The following MYO3B variants were observed in gnomAD, a reference collection of about 807,000 sequenced individuals.
MYO3B encodes myosin IIIB.
A neutral mutation model predicts 174.6 loss-of-function variants in MYO3B; 156 were observed. That is an observed-to-expected ratio of 0.89 (90% confidence interval 0.78 to 1.02). MYO3B has a LOEUF of 1.02. Ranked by LOEUF, MYO3B falls within the 50% of genes least tolerant of loss-of-function variation. The pLI is 0.00. For missense variants in MYO3B, 1,632 were observed against 1,639.4 expected, an observed-to-expected ratio of 1.00 and a Z score of 0.08; for synonymous variants, 563 against 569.1, an observed-to-expected ratio of 0.99 and a Z score of 0.15.
chr2:170,470,127 A>AAAG (rs1684895751), intron 25 of MYO3B, among the ~76,000 whole-genome samples: 2 of 141,884 alleles, frequency 1.4e-5, no homozygotes, highest in Non-Finnish European at 3.1e-5. Flanking sequence ...AAAAAAAAAA[A>AAAG]AAAGAAGGAA....
At chr2:170,229,231 A>G (rs1026784081) in intron 6 of MYO3B, among the ~76,000 whole-genome samples, 5 of 152,252 alleles carry the variant, frequency 3.3e-5, no homozygotes, top group African/African-American at 9.6e-5. Flanking sequence ...CAAATTAAGA[A>G]TCCTATTTGC....
intron 25 of MYO3B, among the ~76,000 whole-genome samples, chr2:170,470,594 G>C (rs188289581): frequency 1.6e-4 from 24 of 152,274 alleles, no homozygotes; most frequent in Admixed American, 5.9e-4. Flanking sequence ...GTGGACATAT[G>C]TTTTCACTTC....
chr2:170,495,332 T>C (rs1339922927), intron 25 of MYO3B, among the ~76,000 whole-genome samples: 2 of 152,172 alleles, frequency 1.3e-5, no homozygotes, highest in African/African-American at 4.8e-5. Context: ...AATTATTCCG[T>C]GAAGGAAACA....
chr2:170,353,992 A>G lies in MYO3B; in HGVS notation c.816-15230A>G, dbSNP rs367668041. On this transcript the variant is annotated intron_variant, in intron 8 of 34. Coordinates refer to ENST00000408978, the MANE Select transcript of MYO3B (RefSeq NM_138995.5). ...ATTCAATCATTCATCGCATTATCTG[A>G]TATAACTAGCAGGAAGGGTAATATG... Among the ~76,000 whole-genome samples the G allele has an allele frequency of 7.2e-4, 110 of 152,342 alleles. 2 individuals are homozygous for G. The South Asian group carries it at 0.02, about 28-fold the overall frequency.
At chr2:170,211,670 T>C (rs1053227344) in intron 3 of MYO3B, among the ~76,000 whole-genome samples, 1 of 152,098 alleles carries the variant, frequency 6.6e-6, no homozygotes, top group Non-Finnish European at 1.5e-5. Flanking sequence ...AACTGGAAAG[T>C]ACTCATTTCC....
intron 32 of MYO3B, among the ~76,000 whole-genome samples, chr2:170,587,272 C>G (rs1352259502): frequency 6.6e-6 from 1 of 152,134 alleles, no homozygotes; most frequent in Non-Finnish European, 1.5e-5. Context: ...CATGTTATGC[C>G]AGCAGCAGCC....
intron 28 of MYO3B, among the ~76,000 whole-genome samples, chr2:170,513,167 C>T (rs968295742): frequency 1.1e-4 from 17 of 152,140 alleles, no homozygotes; most frequent in Admixed American, 2.6e-4. Flanking sequence ...AATTTCAGTA[C>T]TTAACATCTG....
chr2:170,515,085 A>C lies in MYO3B; in HGVS notation c.3472+63A>C, dbSNP rs1688225348. 5 of 1,432,984 alleles carry C rather than the reference A, an allele frequency of 3.5e-6. No individual in the cohort carries two copies. The East Asian group carries it at 1.2e-4, about 33-fold the overall frequency. The allele number at this position is 1,432,984 out of a possible 1,614,324, so 88.8% of individuals were successfully genotyped here. A position where few individuals can be genotyped will look rare whatever the true frequency, so the allele number is the denominator to read the frequency against. ...TCAGGGGCATTCCGGAGAAGGTTCC[A>C]AAGCTGGAAGTGATCACCTCTTATA... On this transcript the variant is annotated intron_variant, in intron 29 of 34. Transcript: ENST00000408978.
intron 32 of MYO3B, among the ~76,000 whole-genome samples, chr2:170,645,243 G>C (rs1333904884): frequency 1.3e-5 from 2 of 152,154 alleles, no homozygotes; most frequent in Non-Finnish European, 2.9e-5. Context: ...AGCCAAGGCA[G>C]GTGGATTGCT....
chr2:170,503,730 TG>T (rs1687435460), intron 28 of MYO3B, among the ~76,000 whole-genome samples: 1 of 152,032 alleles, frequency 6.6e-6, no homozygotes, highest in Non-Finnish European at 1.5e-5. Context: ...CAAGTGATGT[TG>T]GGAACTTCCA....
At chr2:170,544,217 A>T (rs1480594036) in intron 32 of MYO3B, among the ~76,000 whole-genome samples, 2 of 152,212 alleles carry the variant, frequency 1.3e-5, no homozygotes, top group Non-Finnish European at 2.9e-5. Flanking sequence ...TTTTCCATTT[A>T]CTTAACCTTA....
chr2:170,382,277 C>A, intron 10 of MYO3B, 165 bp downstream of exon 10: 1 of 538,368 alleles, frequency 1.9e-6, no homozygotes, highest in Non-Finnish European at 3.4e-6. Context: ...TGACTATGAT[C>A]CTGTGCTGTG....
chr2:170,178,411 C>A, intron 1 of MYO3B, 122 bp downstream of exon 1: 2 of 1,234,226 alleles, frequency 1.6e-6, no homozygotes, highest in Non-Finnish European at 1.2e-6. Flanking sequence ...GCCACTCTGG[C>A]TTTGGGCCTC....
At chr2:170,322,401 C>T (rs974082573) in intron 7 of MYO3B, among the ~76,000 whole-genome samples, 7 of 152,222 alleles carry the variant, frequency 4.6e-5, no homozygotes, top group Non-Finnish European at 8.8e-5. Flanking sequence ...CCCTTACAAA[C>T]TGCCAGGACC....
chr2:170,510,327 T>A (rs574936056), intron 28 of MYO3B, among the ~76,000 whole-genome samples: 1 of 152,170 alleles, frequency 6.6e-6, no homozygotes, highest in African/African-American at 2.4e-5. Context: ...TAAAAGTCTA[T>A]TAAGTATAAT....
At chr2:170,485,434 G>GAA (rs1217761935) in intron 25 of MYO3B, among the ~76,000 whole-genome samples, 1 of 151,294 alleles carries the variant, frequency 6.6e-6, no homozygotes, top group Non-Finnish European at 1.5e-5. Flanking sequence ...GAGAGAGAGA[G>GAA]AGAGAGAGAG....
In MYO3B at chr2:170,457,822, G is replaced by A. The variant is rs113974016; in HGVS notation, c.2731-5546G>A. On this transcript the variant is annotated intron_variant, in intron 23 of 34. Coordinates refer to ENST00000408978, the MANE Select transcript of MYO3B (RefSeq NM_138995.5). ...CAGGCTGGAGTGCAGTGCCATGATC[G>A]TGGCTCACTACAACCTCTGCCTCCC... 3.3e-3 allele frequency among the ~76,000 whole-genome samples: 502 copies of A among 152,176 alleles called. 1 individual carries two copies. The highest frequency in any genetic ancestry group is 0.011 in the African/African-American group (471 of 41,514).
intron 2 of MYO3B, 145 bp downstream of exon 2, chr2:170,199,536 T>G: frequency 1.5e-6 from 1 of 664,084 alleles, no homozygotes; most frequent in Non-Finnish European, 2.4e-6. Flanking sequence ...CTTCTCTGAA[T>G]GAAGGGACTC....
chr2:170,251,170 C>T (rs760834922), intron 7 of MYO3B, among the ~76,000 whole-genome samples: 14 of 152,036 alleles, frequency 9.2e-5, no homozygotes, highest in Non-Finnish European at 1.9e-4. Flanking sequence ...TGTCCCTTCA[C>T]GATTTACATT....
Sources: gnomAD v4.1 joint callset for allele counts (sites outside exome capture counted in the v4.1 genomes callset) on GRCh38, gnomAD v4.1.1 for gene constraint, MANE v1.5 for transcripts, NCBI Gene and HGNC (gene_info 2026-07-23, HGNC 2026-07-21) for gene names.